Variants in DLAT observed in about 807,000 individuals in gnomAD.
DLAT encodes dihydrolipoamide S-acetyltransferase, also known as dihydrolipoyllysine-residue acetyltransferase component of pyruvate dehydrogenase complex, mitochondrial.
Under a neutral mutation model 68.0 loss-of-function variants are expected in DLAT, and 43 were observed. The observed-to-expected ratio is 0.63, with a 90% CI of 0.50 to 0.81. The LOEUF (loss-of-function observed/expected upper bound fraction) is 0.81. DLAT is among the 40% of genes least tolerant of loss of function. The pLI is 0.00. For synonymous variants in DLAT, 265 were observed against 288.6 expected (o/e 0.92, Z 0.83); for missense variants, 745 against 815.4 (o/e 0.91, Z 1.05).
chr11:112,025,494 C>T lies in DLAT; in HGVS notation c.22C>T (p.Arg8Trp). The T allele has an allele frequency of 6.2e-7, 1 of 1,613,530 alleles. No individual in the cohort carries two copies. Among genetic ancestry groups the T allele is most frequent in the Admixed American group, 1.7e-5 (1 of 59,970 alleles). MWRVCARRAQNVAPWAGL... is the reference protein window; with the variant it reads MWRVCARWAQNVAPWAGL... ...CACTATGTGGCGCGTCTGTGCGCGA[C>T]GGGCTCAGAATGTAGCCCCATGGGC... The change falls in exon 1 of 14, where the codon CGG becomes TGG. Residue 8 changes from arginine to tryptophan, a missense_variant. Arg to Trp is a moderately radical substitution (Grantham distance 101, BLOSUM62 -3). Transcript: ENST00000280346.
At chr11:112,025,816 ATCC>A in intron 1 of DLAT, 65 bp downstream of exon 1, 2 of 1,592,456 alleles carry the variant, frequency 1.3e-6, no homozygotes, top group Non-Finnish European at 1.7e-6. Flanking sequence ...TGCCTGCAAG[ATCC>A]TCCTTGAGAG....
In DLAT at chr11:112,035,965, A is replaced by G. The variant is rs587702541; in HGVS notation, c.788-1308A>G. 1.3e-3 allele frequency among the ~76,000 whole-genome samples: 171 copies of G among 130,268 alleles called. 1 individual carries two copies. Among genetic ancestry groups the G allele is most frequent in the African/African-American group, 4.4e-3 (153 of 34,542 alleles). The allele number at this position is 130,268 out of a possible 152,430, so 85.5% of individuals were successfully genotyped here. A position where few individuals can be genotyped will look rare whatever the true frequency, so the allele number is the denominator to read the frequency against. On this transcript the variant is annotated intron_variant, in intron 5 of 13. Coordinates refer to ENST00000280346, the MANE Select transcript of DLAT (RefSeq NM_001931.5). ...GCCACCATGCCTGGCTAATTTTTGT[A>G]TTTTTAGTGGAGATGGGGTTTCACC...
At chr11:112,037,855 T>G (rs1592680107) in intron 6 of DLAT, among the ~76,000 whole-genome samples, 3 of 151,948 alleles carry the variant, frequency 2.0e-5, no homozygotes. Context: ...ATAGCTCACT[T>G]CATTGCCCAT....
chr11:112,051,495 A>C lies in DLAT; in HGVS notation c.1514+146A>C. 1 of 642,430 alleles carries C rather than the reference A, an allele frequency of 1.6e-6. No individual in the cohort carries two copies. The highest frequency in any genetic ancestry group is 2.8e-5 in the East Asian group (1 of 35,624). 39.8% of individuals were successfully genotyped at this position (642,430 alleles called of 1,614,324 possible). On this transcript the variant is annotated intron_variant, in intron 11 of 13. Transcript: ENST00000280346. The surrounding 1 kb of genome is among the most constrained non-coding windows in gnomAD (Gnocchi z 4.3). ...CAAACAACTTGAAAACAACACAAAA[A>C]TGTTTATGAGTTACTGCTTTTTACT...
chr11:112,043,853 A>C (rs1555181215), intron 8 of DLAT, among the ~76,000 whole-genome samples: 9 of 152,242 alleles, frequency 5.9e-5, no homozygotes, highest in Admixed American at 5.9e-4. Context: ...CTATGTAAAT[A>C]GTTGTTATAT....
chr11:112,027,490 G>A (rs879984474), intron 2 of DLAT, among the ~76,000 whole-genome samples: 1 of 151,940 alleles, frequency 6.6e-6, no homozygotes, highest in South Asian at 2.1e-4. Flanking sequence ...TCACTTCCCA[G>A]ACGGGGTGGC....
chr11:112,029,040 A>C (rs1161685546), intron 4 of DLAT, 95 bp downstream of exon 4: 1 of 1,410,388 alleles, frequency 7.1e-7, no homozygotes, highest in East Asian at 2.3e-5. Context: ...CTGACATTAA[A>C]TGTGGTTAGG....
intron 4 of DLAT, among the ~76,000 whole-genome samples, chr11:112,032,853 G>A (rs980920358): frequency 6.6e-6 from 1 of 152,146 alleles, no homozygotes; most frequent in Non-Finnish European, 1.5e-5. Context: ...ATTACTTGTG[G>A]ATGGGCGTTC....
Position 112,045,233 on chromosome 11 carries a change from A to G in DLAT, c.1290+3A>G, listed in dbSNP as rs1863246364. On this transcript the variant is annotated splice_donor_region_variant and intron_variant, in intron 9 of 13. Transcript: ENST00000280346. ...TCCCAATCAGCAACATTCGTCGGGT[A>G]AGAGAATTACCATCATCTGGAATCA... 1 of 1,611,428 alleles carries G rather than the reference A, an allele frequency of 6.2e-7. No homozygotes were observed. The highest frequency in any genetic ancestry group is 1.3e-5 in the African/African-American group (1 of 74,768).
At position 112,034,723 on chromosome 11, in the gene DLAT, T is replaced by A. The variant is rs370391026; in HGVS notation, c.787+1193T>A. Among the ~76,000 whole-genome samples, 12 of 152,054 alleles carry A rather than the reference T, an allele frequency of 7.9e-5. No individual in the cohort carries two copies. The South Asian group carries it at 8.3e-4, about 11-fold the overall frequency. ...TCCCAAAGCGCTGGGATTACAGGCG[T>A]GAGCCATGGCGATTTGTAGTATTAT... On this transcript the variant is annotated intron_variant, in intron 5 of 13. Transcript: ENST00000280346.
At chr11:112,037,483 G>C in intron 6 of DLAT, 23 bp downstream of exon 6, 1 of 1,610,900 alleles carries the variant, frequency 6.2e-7, no homozygotes, top group Non-Finnish European at 8.5e-7. Flanking sequence ...CTAGAATTCA[G>C]GAAACACTTA....
chr11:112,027,478 C>G (rs1862122545), intron 2 of DLAT, among the ~76,000 whole-genome samples: 1 of 151,896 alleles, frequency 6.6e-6, no homozygotes, highest in Non-Finnish European at 1.5e-5. Flanking sequence ...CAGAGACGCT[C>G]CTCACTTCCC....
rs782701797 is a variant in DLAT, at chr11:112,039,237, T to C, written c.976-7T>C. On this transcript the variant is annotated splice_polypyrimidine_tract_variant and splice_region_variant and intron_variant, in intron 6 of 13. Coordinates refer to ENST00000280346, the MANE Select transcript of DLAT (RefSeq NM_001931.5). ...AATTAAAACAATTTGTAATTTTTTT[T>C]CAAAAGGTGGCCGCTGTTCCTCCAA... 1.4e-5 allele frequency: 23 copies of C among 1,613,908 alleles called. No homozygotes were observed. The highest frequency in any genetic ancestry group is 2.7e-5 in the African/African-American group (2 of 74,940).
At position 112,031,939 on chromosome 11, in the gene DLAT, T is replaced by C. The variant is rs148555385; in HGVS notation, c.661-1465T>C. ...TTGAGACAGTCTTGCTCTGTCACCA[T>C]GGCTGGAGTGTAGTGGCACGATCTT... On this transcript the variant is annotated intron_variant, in intron 4 of 13. Transcript: ENST00000280346. 6.1e-3 allele frequency among the ~76,000 whole-genome samples: 741 copies of C among 122,340 alleles called. 6 individuals carry two copies. Among genetic ancestry groups the C allele is most frequent in the African/African-American group, 0.022 (704 of 32,668 alleles). The allele number at this position is 122,340 out of a possible 152,430, so 80.3% of individuals were successfully genotyped here.
At chr11:112,027,766 G>A (rs1555179509) in intron 2 of DLAT, among the ~76,000 whole-genome samples, 2 of 152,116 alleles carry the variant, frequency 1.3e-5, no homozygotes, top group African/African-American at 2.4e-5. Context: ...CAGGCGTGGC[G>A]GCGCGTGCCT....
intron 5 of DLAT, among the ~76,000 whole-genome samples, chr11:112,034,921 G>A (rs1413393107): frequency 1.3e-5 from 2 of 151,522 alleles, no homozygotes; most frequent in Non-Finnish European, 2.9e-5. Context: ...CTACAGGCAT[G>A]CACCACCATG....
At chr11:112,061,239 G>C (rs1864600802) in intron 13 of DLAT, 65 bp downstream of exon 13, 68 of 1,582,606 alleles carry the variant, frequency 4.3e-5, no homozygotes, top group Middle Eastern at 1.7e-4. Flanking sequence ...TTGTCCTGTG[G>C]TATCCTCAGG....
chr11:112,051,462 A>G lies in DLAT; in HGVS notation c.1514+113A>G. 2.6e-6 allele frequency: 2 copies of G among 775,658 alleles called. No individual in the cohort carries two copies. The highest frequency in any genetic ancestry group is 3.0e-5 in the South Asian group (2 of 66,846). The allele number at this position is 775,658 out of a possible 1,614,324, so 48.0% of individuals were successfully genotyped here. On this transcript the variant is annotated intron_variant, in intron 11 of 13. Transcript: ENST00000280346. The surrounding 1 kb of genome is among the most constrained non-coding windows in gnomAD (Gnocchi z 4.3). ...TGGAATACAGAGAGGCAGATGACTT[A>G]CATAGGTCAAACAACTTGAAAACAA... is the stretch of plus-strand genomic sequence containing the variant.
At chr11:112,034,367 C>T (rs587663713) in intron 5 of DLAT, among the ~76,000 whole-genome samples, 92 of 151,870 alleles carry the variant, frequency 6.1e-4, no homozygotes, top group Admixed American at 1.4e-3. Flanking sequence ...TCAGATATGT[C>T]ATATGTCCAC....
Sources: gnomAD v4.1 joint callset for allele counts (sites outside exome capture counted in the v4.1 genomes callset) on GRCh38, gnomAD v4.1.1 for gene constraint, Gnocchi (gnomAD v3.1) non-coding constraint, MANE v1.5 for transcripts, NCBI Gene and HGNC (gene_info 2026-07-23, HGNC 2026-07-21) for gene names.